SNRPD1: variants seen among roughly 807,000 people sequenced by gnomAD.
The protein encoded by SNRPD1 is small nuclear ribonucleoprotein D1 polypeptide, also known as small nuclear ribonucleoprotein Sm D1.
SNRPD1 carries 1 observed loss-of-function variant against 14.4 expected under a neutral mutation model. The observed-to-expected ratio is 0.07, with a 90% confidence interval of 0.02 to 0.33. The LOEUF is 0.33. SNRPD1 is among the 10% of genes least tolerant of loss of function. The pLI is 1.00. For missense variants in SNRPD1, 52 were observed against 146.4 expected (o/e 0.36, Z 3.33); for synonymous variants, 42 against 50.3 (o/e 0.83, Z 0.70).
intron 1 of SNRPD1, among the ~76,000 whole-genome samples, chr18:21,621,841 T>TCCCTCG (rs2039000584): frequency 6.6e-6 from 1 of 152,174 alleles, no homozygotes; most frequent in Non-Finnish European, 1.5e-5. Context: ...CCTCCCAAAG[T>TCCCTCG]GCTGGGATTA....
In SNRPD1 at chr18:21,612,369, T is replaced by A; in HGVS notation, c.-61T>A. Reference sequence around the variant, plus strand: ...TTCCGGCCATTCATACTGCAGTCGGTCAGTGTTCGGTTGAAGGATTCTGTG... The same window carrying A: ...TTCCGGCCATTCATACTGCAGTCGGACAGTGTTCGGTTGAAGGATTCTGTG... On this transcript the variant is annotated 5_prime_UTR_variant, in exon 1 of 4. Coordinates refer to ENST00000300413, the MANE Select transcript of SNRPD1 (RefSeq NM_006938.4). The A allele has an allele frequency of 7.2e-7, 1 of 1,398,092 alleles. No individual in the cohort carries two copies. The highest frequency in any genetic ancestry group is 9.7e-7 in the Non-Finnish European group (1 of 1,033,202). The allele number at this position is 1,398,092 out of a possible 1,614,324, so 86.6% of individuals were successfully genotyped here. A position where few individuals can be genotyped will look rare whatever the true frequency, so the allele number is the denominator to read the frequency against.
In SNRPD1 at chr18:21,629,342, T is replaced by G. The variant is rs1017535690; in HGVS notation, c.*204T>G. On this transcript the variant is annotated 3_prime_UTR_variant, in exon 4 of 4. Coordinates refer to ENST00000300413, the MANE Select transcript of SNRPD1 (RefSeq NM_006938.4). ...ACTGGGCAGTTTCATTTTTAGTTGATCAGGTTTTAAGTTTTTGAACTAAAA... is the reference window on the plus strand; with the variant it reads ...ACTGGGCAGTTTCATTTTTAGTTGAGCAGGTTTTAAGTTTTTGAACTAAAA... 7 of 483,364 alleles carry G rather than the reference T, an allele frequency of 1.4e-5. No homozygotes were observed. Among genetic ancestry groups the G allele is most frequent in the Non-Finnish European group, 2.2e-5 (6 of 270,646 alleles). The allele number at this position is 483,364 out of a possible 1,614,324, so 29.9% of individuals were successfully genotyped here.
At chr18:21,622,829 A>T (rs77751404) in intron 2 of SNRPD1, 28 bp downstream of exon 2, 1 of 1,190,842 alleles carries the variant, frequency 8.4e-7, no homozygotes, top group Non-Finnish European at 1.2e-6. Context: ...CTTTTATAAC[A>T]TTTTTTTTCT....
rs1457019184 is a variant in SNRPD1 at position 21,630,177 on chromosome 18, G to C, written c.*1039G>C. ...TCTCCTATTAATGTGTAATGTACCT[G>C]TCAGTGCCTCCTTTATTAAGGGGTT... On this transcript the variant is annotated 3_prime_UTR_variant, in exon 4 of 4. Transcript: ENST00000300413. 1 of 152,174 alleles carries C rather than the reference G, an allele frequency of 6.6e-6. No individual in the cohort carries two copies. The highest frequency in any genetic ancestry group is 2.1e-4 in the South Asian group (1 of 4,832). The allele number at this position is 152,174 out of a possible 1,614,324, so 9.4% of individuals were successfully genotyped here.
At chr18:21,628,075 C>T (rs886501375) in intron 3 of SNRPD1, among the ~76,000 whole-genome samples, 2 of 152,120 alleles carry the variant, frequency 1.3e-5, no homozygotes, top group African/African-American at 2.4e-5. Context: ...AGACTAGAAT[C>T]AGTGTGTACA....
intron 1 of SNRPD1, among the ~76,000 whole-genome samples, chr18:21,617,040 G>T (rs1273225355): frequency 1.3e-5 from 2 of 152,136 alleles, no homozygotes; most frequent in African/African-American, 4.8e-5. Flanking sequence ...ATTACTTTTG[G>T]AAAATGGTGT....
At chr18:21,619,703 C>T (rs961632762) in intron 1 of SNRPD1, among the ~76,000 whole-genome samples, 48 of 151,590 alleles carry the variant, frequency 3.2e-4, no homozygotes, top group African/African-American at 7.7e-4. Flanking sequence ...TTGCTTGAAC[C>T]CAAGAGGTGG....
chr18:21,625,428 T>C (rs1165594107), intron 3 of SNRPD1, among the ~76,000 whole-genome samples: 1 of 148,846 alleles, frequency 6.7e-6, no homozygotes, highest in East Asian at 2.0e-4. Flanking sequence ...GCGATTCTTC[T>C]GTTTCAGCCT....
intron 1 of SNRPD1, among the ~76,000 whole-genome samples, chr18:21,615,565 CT>C (rs796847579): frequency 7.7e-4 from 117 of 151,726 alleles, no homozygotes; most frequent in African/African-American, 2.8e-3. Flanking sequence ...TTGCAGTGAG[CT>C]GAGATCACGC....
At position 21,613,854 on chromosome 18, in the gene SNRPD1, C is replaced by CAAAAA. The variant is rs56863125; in HGVS notation, c.14+1431_14+1435dup. ...TGGGCGACAGAGCGAGACTCCATCT[C>CAAAAA]AAAAAAAAAAAAAAAAAAAAAAAAT... On this transcript the variant is annotated intron_variant, in intron 1 of 3. Transcript: ENST00000300413. 4.1e-3 allele frequency among the ~76,000 whole-genome samples: 241 copies of CAAAAA among 58,580 alleles called. 11 individuals carry two copies. The highest frequency in any genetic ancestry group is 0.013 in the Middle Eastern group (1 of 78). 38.4% of individuals were successfully genotyped at this position (58,580 alleles called of 152,430 possible). A position where few individuals can be genotyped will look rare whatever the true frequency, so the allele number is the denominator to read the frequency against.
At position 21,629,231 on chromosome 18, in the gene SNRPD1, G is replaced by A; in HGVS notation, c.*93G>A. ...TCAGTTTTTAATAAACATAAATGTG[G>A]GACAGAGCTGTCTATTTAGTATATC... On this transcript the variant is annotated 3_prime_UTR_variant, in exon 4 of 4. Coordinates refer to ENST00000300413, the MANE Select transcript of SNRPD1 (RefSeq NM_006938.4). 1.1e-6 allele frequency: 1 copy of A among 939,436 alleles called. No individual in the cohort carries two copies. Among genetic ancestry groups the A allele is most frequent in the African/African-American group, 1.6e-5 (1 of 61,826 alleles). 58.2% of individuals were successfully genotyped at this position (939,436 alleles called of 1,614,324 possible).
chr18:21,620,300 T>C (rs906553557), intron 1 of SNRPD1, among the ~76,000 whole-genome samples: 5 of 152,014 alleles, frequency 3.3e-5, no homozygotes, highest in African/African-American at 1.2e-4. Context: ...AGGATCTTGC[T>C]TTGTTGACCA....
chr18:21,613,501 T>C (rs1368220837), intron 1 of SNRPD1, among the ~76,000 whole-genome samples: 1 of 152,150 alleles, frequency 6.6e-6, no homozygotes, highest in Non-Finnish European at 1.5e-5. Context: ...GACAGACAAG[T>C]AGATAACGTC....
At chr18:21,614,094 G>A (rs896882316) in intron 1 of SNRPD1, among the ~76,000 whole-genome samples, 2 of 151,576 alleles carry the variant, frequency 1.3e-5, no homozygotes, top group East Asian at 3.9e-4. Flanking sequence ...CCAACGTGGT[G>A]AAACCCATTC....
intron 3 of SNRPD1, among the ~76,000 whole-genome samples, chr18:21,627,002 G>T (rs1292799003): frequency 6.8e-6 from 1 of 146,448 alleles, no homozygotes; most frequent in Admixed American, 6.9e-5. Flanking sequence ...AAAAAAAGAA[G>T]CAGCAGCTGG....
rs553448683 is a variant in SNRPD1, at chr18:21,620,633, A to AT, written c.15-2085dup. ...TAAAAGTAGAAGAAAATAAGACACT[A>AT]TTTTTTTACAATCTTGGCATAGAAA... On this transcript the variant is annotated intron_variant, in intron 1 of 3. Transcript: ENST00000300413. Among the ~76,000 whole-genome samples, 261 of 152,192 alleles carry AT rather than the reference A, an allele frequency of 1.7e-3. 2 individuals carry two copies. The highest frequency in any genetic ancestry group is 6.0e-3 in the African/African-American group (249 of 41,534).
At chr18:21,617,113 A>G (rs901520642) in intron 1 of SNRPD1, among the ~76,000 whole-genome samples, 4 of 152,156 alleles carry the variant, frequency 2.6e-5, no homozygotes, top group Admixed American at 6.6e-5. Context: ...CATTTGTTGA[A>G]AACACTTTCC....
chr18:21,617,782 C>G (rs533868901), intron 1 of SNRPD1, among the ~76,000 whole-genome samples: 1 of 151,748 alleles, frequency 6.6e-6, no homozygotes, highest in Non-Finnish European at 1.5e-5. Context: ...GCAGGCAGAT[C>G]ACTTGGGCCA....
intron 1 of SNRPD1, among the ~76,000 whole-genome samples, chr18:21,622,056 A>C (rs887308457): frequency 6.6e-6 from 1 of 152,126 alleles, no homozygotes; most frequent in Non-Finnish European, 1.5e-5. Context: ...CTACATACCC[A>C]CAGTGCAGGG....
Sources: allele counts gnomAD v4.1 joint callset (sites outside exome capture counted in the v4.1 genomes callset), GRCh38; gene constraint gnomAD v4.1.1; transcripts MANE v1.5; gene names NCBI Gene and HGNC (gene_info 2026-07-23, HGNC 2026-07-21).